Variants in UGT1A6 observed in about 807,000 individuals in gnomAD.
UGT1A6 encodes UDP glucuronosyltransferase family 1 member A6.
Under a neutral mutation model 44.4 loss-of-function variants are expected in UGT1A6, and 32 were observed. The observed-to-expected ratio is 0.72, with a 90% CI of 0.54 to 0.97. The LOEUF (loss-of-function observed/expected upper bound fraction) is 0.97. UGT1A6 is among the 50% of genes least tolerant of loss of function. The pLI is 0.00. For missense variants in UGT1A6, 685 were observed against 661.9 expected (o/e 1.03, Z -0.38); for synonymous variants, 238 against 248.5 (o/e 0.96, Z 0.40).
chr2:233,760,174 G>A (rs1178243322), intron 1 of UGT1A6: 18 of 1,539,292 alleles, frequency 1.2e-5, no homozygotes, highest in Non-Finnish European at 1.5e-5. Flanking sequence ...TGGACTGACA[G>A]CTTTTTATAG....
chr2:233,738,062 G>A lies in UGT1A6; in HGVS notation c.862-28972G>A, dbSNP rs1045762384. ...GTGTTGAGGACAGGACATGGTGGGA[G>A]GTCCCCACCTCCTAATCTCATCATA... On this transcript the variant is annotated intron_variant, in intron 1 of 4. Coordinates refer to ENST00000305139, the MANE Select transcript of UGT1A6 (RefSeq NM_001072.4). 4.6e-5 allele frequency among the ~76,000 whole-genome samples: 7 copies of A among 152,180 alleles called. 1 individual carries two copies. The highest frequency in any genetic ancestry group is 4.2e-4 in the South Asian group (2 of 4,808).
intron 1 of UGT1A6, chr2:233,743,624 T>A (rs1166046864): frequency 3.7e-6 from 5 of 1,367,280 alleles, no homozygotes; most frequent in Admixed American, 3.8e-5. Flanking sequence ...CCTGAAGACG[T>A]CGGCTGGGTC....
Position 233,693,353 on chromosome 2 carries a change from A to C in UGT1A6, c.349A>C (p.Ile117Leu). ...APQTEYRNNM[I>L]VIGLYFINCQ... ...TCAGACAGAGTACAGGAATAACATG[A>C]TTGTTATTGGCCTGTACTTCATCAA... The change falls in exon 1 of 5, where the codon ATT (isoleucine) becomes CTT (leucine). Residue 117 changes from isoleucine (I) to leucine (L), a missense_variant. Ile to Leu is a conservative substitution (Grantham distance 5, BLOSUM62 2). Transcript: ENST00000305139. The C allele has an allele frequency of 6.2e-7, 1 of 1,614,132 alleles. No homozygotes were observed. The highest frequency in any genetic ancestry group is 8.5e-7 in the Non-Finnish European group (1 of 1,180,036).
intron 1 of UGT1A6, among the ~76,000 whole-genome samples, chr2:233,703,264 TTC>T (rs371511491): frequency 1.3e-5 from 2 of 152,208 alleles, no homozygotes; most frequent in African/African-American, 4.8e-5. Flanking sequence ...TTATAATACT[TTC>T]TGTTTCTGTA....
chr2:233,703,909 G>A (rs922179398), intron 1 of UGT1A6, among the ~76,000 whole-genome samples: 11 of 144,658 alleles, frequency 7.6e-5, no homozygotes, highest in African/African-American at 2.6e-4. Context: ...TTTTTTTTTT[G>A]AGACAAAATC....
intron 1 of UGT1A6, among the ~76,000 whole-genome samples, chr2:233,734,479 AT>A (rs1271707890): frequency 6.6e-6 from 1 of 151,796 alleles, no homozygotes; most frequent in Non-Finnish European, 1.5e-5. Flanking sequence ...GGATTCATTG[AT>A]TTTTTTGAAG....
chr2:233,728,992 A>G (rs990793859), intron 1 of UGT1A6: 2 of 1,544,002 alleles, frequency 1.3e-6, no homozygotes, highest in Admixed American at 1.9e-5. Flanking sequence ...ATAATTAACT[A>G]GAGGAGGGCA....
At chr2:233,718,993 C>CGGT (rs2076711815) in intron 1 of UGT1A6, 1 of 1,614,206 alleles carries the variant, frequency 6.2e-7, no homozygotes, top group Non-Finnish European at 8.5e-7. Flanking sequence ...GGCCACCAGG[C>CGGT]GGTGGTCCTC....
intron 1 of UGT1A6, among the ~76,000 whole-genome samples, chr2:233,704,312 T>C (rs1316251379): frequency 6.7e-6 from 1 of 150,322 alleles, no homozygotes; most frequent in Non-Finnish European, 1.5e-5. Flanking sequence ...GTAAAATCCT[T>C]TAATGTTTTT....
At chr2:233,707,801 C>T (rs2075988257) in intron 1 of UGT1A6, among the ~76,000 whole-genome samples, 1 of 152,112 alleles carries the variant, frequency 6.6e-6, no homozygotes, top group African/African-American at 2.4e-5. Context: ...GGAGCTGCTG[C>T]GTTGGAGGGC....
At chr2:233,712,915 G>C in intron 1 of UGT1A6, 1 of 1,611,388 alleles carries the variant, frequency 6.2e-7, no homozygotes, top group Non-Finnish European at 8.5e-7. Flanking sequence ...TCAGTGACAA[G>C]GTAATTAAGA....
chr2:233,744,810 C>A (rs79404275), intron 1 of UGT1A6, among the ~76,000 whole-genome samples: 3 of 151,852 alleles, frequency 2.0e-5, no homozygotes, highest in African/African-American at 7.3e-5. Context: ...CTAGGATTTC[C>A]TGGCTCATAC....
At chr2:233,727,469 A>C (rs1381010401) in intron 1 of UGT1A6, among the ~76,000 whole-genome samples, 7 of 152,276 alleles carry the variant, frequency 4.6e-5, no homozygotes, top group Non-Finnish European at 8.8e-5. Flanking sequence ...TGTCTAAATA[A>C]AACACTACTA....
chr2:233,769,480 CGT>C lies in UGT1A6; in HGVS notation c.1301+1046_1301+1047del. 6.3e-7 allele frequency: 1 copy of C among 1,596,850 alleles called. No individual in the cohort carries two copies. Among genetic ancestry groups the C allele is most frequent in the East Asian group, 2.2e-5 (1 of 44,628 alleles). ...ATTCATATGCGTGTGTGTGTGTGTG[CGT>C]GTGTTTATGAGAGTGTCCATTGCTT... On this transcript the variant is annotated intron_variant, in intron 4 of 4. Transcript: ENST00000305139. The surrounding 1 kb of genome is among the most constrained non-coding windows in gnomAD (Gnocchi z 4.4).
At chr2:233,729,450 G>A (rs1394250627) in intron 1 of UGT1A6, 1 of 1,614,082 alleles carries the variant, frequency 6.2e-7, no homozygotes, top group Admixed American at 1.7e-5. Flanking sequence ...ATTTTCTGAA[G>A]AAATTTTTCA....
Position 233,768,364 on chromosome 2 carries a change from G to T in UGT1A6, c.1226G>T (p.Gly409Val). 1 of 1,614,172 alleles carries T rather than the reference G, an allele frequency of 6.2e-7. No homozygotes were observed. Among genetic ancestry groups the T allele is most frequent in the Non-Finnish European group, 8.5e-7 (1 of 1,180,034 alleles). ...NAKRMETKGA[G>V]VTLNVLEMTS... ...AAGCGCATGGAGACTAAGGGAGCTG[G>T]AGTGACCCTGAATGTTCTGGAAATG... Residue 409 changes from glycine to valine, a missense_variant, in exon 4 of 5, where the codon GGA (glycine) becomes GTA (valine). Coordinates refer to ENST00000305139, the MANE Select transcript of UGT1A6 (RefSeq NM_001072.4).
At chr2:233,754,446 C>T in intron 1 of UGT1A6, 1 of 350,362 alleles carries the variant, frequency 2.9e-6, no homozygotes, top group Non-Finnish European at 5.6e-6. Context: ...TTTATAAATT[C>T]TTGGGTACAG....
rs1699307451 is a variant in UGT1A6, at chr2:233,767,015, A to G, written c.862-19A>G. The G allele has an allele frequency of 6.2e-7, 1 of 1,613,760 alleles. No homozygotes were observed. Among genetic ancestry groups the G allele is most frequent in the South Asian group, 1.1e-5 (1 of 90,990 alleles). On this transcript the variant is annotated intron_variant, in intron 1 of 4. Transcript: ENST00000305139. The stretch of plus-strand genomic sequence containing the variant: ...GAATATGAGAAAAAATTAACTGAAA[A>G]TTTTTCTTCTGGCTCTAGGAATTTG...
chr2:233,700,852 C>T (rs1159927866), intron 1 of UGT1A6, among the ~76,000 whole-genome samples: 1 of 152,028 alleles, frequency 6.6e-6, no homozygotes, highest in Non-Finnish European at 1.5e-5. Flanking sequence ...AGGTATATCT[C>T]CTAATGCTAT....
Sources: gnomAD v4.1 joint callset for allele counts (sites outside exome capture counted in the v4.1 genomes callset) on GRCh38, gnomAD v4.1.1 for gene constraint, Gnocchi (gnomAD v3.1) non-coding constraint, MANE v1.5 for transcripts, NCBI Gene and HGNC (gene_info 2026-07-23, HGNC 2026-07-21) for gene names.